The following TCF7L1 variants were observed in gnomAD, a reference collection of about 807,000 sequenced individuals.
TCF7L1 encodes transcription factor 7-like 1.
TCF7L1 carries 18 observed loss-of-function variants against 63.7 expected under a neutral mutation model. The ratio of observed to expected loss-of-function variants is 0.28; its 90% CI spans 0.20 to 0.42. The LOEUF is 0.42. TCF7L1 is among the 10% of genes least tolerant of loss of function. TCF7L1 has a pLI of 1.00. For missense variants in TCF7L1, 654 were observed against 779.3 expected, an observed-to-expected ratio of 0.84 and a Z score of 1.91; for synonymous variants, 355 against 340.9, an observed-to-expected ratio of 1.04 and a Z score of -0.46.
At chr2:85,150,329 G>C (rs1677979424) in intron 3 of TCF7L1, among the ~76,000 whole-genome samples, 1 of 152,012 alleles carries the variant, frequency 6.6e-6, no homozygotes, top group East Asian at 1.9e-4. Flanking sequence ...CACCTCCCGG[G>C]TTCACGCCGT....
intron 3 of TCF7L1, among the ~76,000 whole-genome samples, chr2:85,198,215 C>T (rs115558727): frequency 6.6e-6 from 1 of 152,120 alleles, no homozygotes; most frequent in East Asian, 1.9e-4. Context: ...TAGTAAAAGG[C>T]GACATTGTGA....
Position 85,133,724 on chromosome 2 carries a change from G to T in TCF7L1, c.40G>T (p.Gly14Cys). Residue 14 changes from glycine (G) to cysteine (C), a missense_variant, in exon 1 of 12, where the codon GGC (glycine) becomes TGC (cysteine). Coordinates refer to ENST00000282111, the MANE Select transcript of TCF7L1 (RefSeq NM_031283.3). This position sits in a 1 kb window ranked among gnomAD's most constrained non-coding sequence, Gnocchi z 4.4. ...CGGCGGGGGCGGCGGCGGCGGCGGC[G>T]GCAGCGGGGGAGGCGGCGGCTCCAG... ...LGGGGGGGGG[G>C]SGGGGGSSAG... is the part of the protein sequence containing the mutation. 8.7e-7 allele frequency: 1 copy of T among 1,148,474 alleles called. No individual in the cohort carries two copies. Among genetic ancestry groups the T allele is most frequent in the Non-Finnish European group, 1.1e-6 (1 of 929,286 alleles). The allele number at this position is 1,148,474 out of a possible 1,614,324, so 71.1% of individuals were successfully genotyped here.
At position 85,234,010 on chromosome 2, in the gene TCF7L1, A is replaced by G. The variant is rs1455024243; in HGVS notation, c.442-49485A>G. The G allele has an allele frequency of 2.0e-5, 3 of 151,970 alleles. 1 individual carries two copies. In the East Asian group the frequency reaches 5.8e-4, roughly 29 times the overall value. The allele number at this position is 151,970 out of a possible 1,614,324, so 9.4% of individuals were successfully genotyped here. A position where few individuals can be genotyped will look rare whatever the true frequency, so the allele number is the denominator to read the frequency against. ...TTTCTAGTGTGGGAAGATTATGTAT[A>G]TAACTGTTATAAATAGTCACGTAAA... On this transcript the variant is annotated intron_variant, in intron 3 of 11. Transcript: ENST00000282111.
At chr2:85,179,667 C>A (rs796771840) in intron 3 of TCF7L1, among the ~76,000 whole-genome samples, 33 of 152,256 alleles carry the variant, frequency 2.2e-4, no homozygotes, top group African/African-American at 7.7e-4. Flanking sequence ...AGACTGAAAC[C>A]CTCCGTTACC....
chr2:85,148,999 G>A (rs1311836714), intron 3 of TCF7L1, among the ~76,000 whole-genome samples: 3 of 151,814 alleles, frequency 2.0e-5, no homozygotes, highest in Non-Finnish European at 4.4e-5. Flanking sequence ...GGCTGGTCTT[G>A]AACTCCTGAC....
At chr2:85,143,051 C>G (rs768970206) in intron 3 of TCF7L1, among the ~76,000 whole-genome samples, 2 of 152,146 alleles carry the variant, frequency 1.3e-5, no homozygotes, top group Non-Finnish European at 2.9e-5. Flanking sequence ...CTAAACATAG[C>G]CTTTTTCAGG....
At chr2:85,246,307 C>A (rs1680462466) in intron 3 of TCF7L1, among the ~76,000 whole-genome samples, 2 of 152,170 alleles carry the variant, frequency 1.3e-5, no homozygotes, top group Non-Finnish European at 2.9e-5. Context: ...TTAATGAATT[C>A]TAAATGTGTC....
intron 3 of TCF7L1, among the ~76,000 whole-genome samples, chr2:85,210,955 C>A (rs1679527673): frequency 6.6e-6 from 1 of 152,164 alleles, no homozygotes; most frequent in African/African-American, 2.4e-5. Context: ...GAGGCACCAC[C>A]CACTCTGCAC....
intron 3 of TCF7L1, among the ~76,000 whole-genome samples, chr2:85,194,554 G>A (rs150702344): frequency 2.1e-4 from 32 of 152,276 alleles, no homozygotes; most frequent in African/African-American, 6.3e-4. Context: ...TAGATGGGCA[G>A]GGAAACCCAA....
intron 3 of TCF7L1, among the ~76,000 whole-genome samples, chr2:85,275,919 C>CAG (rs1681259968): frequency 9.4e-6 from 1 of 106,858 alleles, no homozygotes; most frequent in South Asian, 3.5e-4. Flanking sequence ...GACTCCATCT[C>CAG]AAAAAAAAAA....
intron 3 of TCF7L1, among the ~76,000 whole-genome samples, chr2:85,252,792 G>A (rs950247846): frequency 1.3e-5 from 2 of 152,158 alleles, no homozygotes; most frequent in African/African-American, 4.8e-5. Flanking sequence ...AGCTCCCCAG[G>A]GAAACTGTTC....
At chr2:85,201,974 T>C (rs1399532032) in intron 3 of TCF7L1, among the ~76,000 whole-genome samples, 2 of 151,990 alleles carry the variant, frequency 1.3e-5, no homozygotes, top group East Asian at 1.9e-4. Context: ...TATTTTATTT[T>C]ATTTTTTTGA....
chr2:85,245,260 T>G (rs1680433913), intron 3 of TCF7L1, among the ~76,000 whole-genome samples: 1 of 152,180 alleles, frequency 6.6e-6, no homozygotes, highest in African/African-American at 2.4e-5. Context: ...GGTGTCAGGC[T>G]CCCATAGAGA....
chr2:85,177,909 A>G (rs2568200), intron 3 of TCF7L1, among the ~76,000 whole-genome samples: 53,247 of 152,012 alleles, frequency 0.35, 9,685 homozygotes, highest in African/African-American at 0.42. Context: ...TCTAGGCATT[A>G]TAAGATGAAG....
chr2:85,140,779 T>G (rs1395172122), intron 3 of TCF7L1, among the ~76,000 whole-genome samples: 1 of 152,072 alleles, frequency 6.6e-6, no homozygotes, highest in Non-Finnish European at 1.5e-5. Context: ...GAGAATTGCT[T>G]TAACCTGGGA....
At chr2:85,212,224 C>T (rs955121743) in intron 3 of TCF7L1, among the ~76,000 whole-genome samples, 5 of 152,138 alleles carry the variant, frequency 3.3e-5, no homozygotes, top group Non-Finnish European at 7.4e-5. Context: ...GGCCACCCCT[C>T]CTGCAGAGCT....
intron 3 of TCF7L1, among the ~76,000 whole-genome samples, chr2:85,257,958 C>G (rs369337335): frequency 6.6e-6 from 1 of 152,222 alleles, no homozygotes; most frequent in African/African-American, 2.4e-5. Context: ...GTATAACAGT[C>G]AAATCCTGGC....
In TCF7L1 at chr2:85,148,867, C is replaced by G. The variant is rs181710737; in HGVS notation, c.441+14417C>G. 9.8e-3 allele frequency among the ~76,000 whole-genome samples: 1,487 copies of G among 151,632 alleles called. 14 individuals carry two copies. Among genetic ancestry groups the G allele is most frequent in the Non-Finnish European group, 0.017 (1,148 of 67,900 alleles). On this transcript the variant is annotated intron_variant, in intron 3 of 11. Coordinates refer to ENST00000282111, the MANE Select transcript of TCF7L1 (RefSeq NM_031283.3). ...TGGCTCACTGCAACCTCTGCCCCCC[C>G]AGGTTCAAGCGATTCTCTCTCCTGC...
At chr2:85,291,561 G>C (rs1336641567) in intron 4 of TCF7L1, among the ~76,000 whole-genome samples, 1 of 80,540 alleles carries the variant, frequency 1.2e-5, no homozygotes, top group Non-Finnish European at 2.2e-5. Context: ...TTTGGTTTTA[G>C]TTTTGGTTTT....
Sources: gnomAD v4.1 joint callset for allele counts (sites outside exome capture counted in the v4.1 genomes callset) on GRCh38, gnomAD v4.1.1 for gene constraint, Gnocchi (gnomAD v3.1) non-coding constraint, MANE v1.5 for transcripts, NCBI Gene and HGNC (gene_info 2026-07-23, HGNC 2026-07-21) for gene names.